ZFPM1: variants seen among roughly 807,000 people sequenced by gnomAD.
The protein encoded by ZFPM1 is zinc finger protein, FOG family member 1, also known as zinc finger protein ZFPM1.
Under a neutral mutation model 46.3 loss-of-function variants are expected in ZFPM1, and 28 were observed. The ratio of observed to expected loss-of-function variants is 0.60; its 90% CI spans 0.45 to 0.83. The LOEUF (loss-of-function observed/expected upper bound fraction) is 0.83, where lower values mean the gene tolerates loss of function less well. ZFPM1 is among the 40% of genes least tolerant of loss of function. ZFPM1 has a pLI of 0.00. For synonymous variants in ZFPM1, 957 were observed against 675.9 expected (o/e 1.42, Z -6.45); for missense variants, 1,878 against 1,432.4 (o/e 1.31, Z -5.02).
chr16:88,467,157 C>A (rs954454219), intron 1 of ZFPM1, among the ~76,000 whole-genome samples: 1 of 152,158 alleles, frequency 6.6e-6, no homozygotes, highest in South Asian at 2.1e-4. Flanking sequence ...CATCACACAG[C>A]GGCCAGAGTG....
Position 88,534,970 on chromosome 16 carries a change from C to A in ZFPM1, c.3012C>A (p.His1004Gln). Residue 1004 changes from histidine to glutamine, a missense_variant, in exon 10 of 10, where the codon CAC (histidine) becomes CAA (glutamine). Coordinates refer to ENST00000319555, the MANE Select transcript of ZFPM1 (RefSeq NM_153813.3). ...KYYCSSHAAE[H>Q]VK ...ACTGCTCCTCGCACGCCGCCGAGCA[C>A]GTGAAGTGAGCGCCCACACTACAGC... The A allele has an allele frequency of 1.4e-6, 2 of 1,449,780 alleles. No individual in the cohort carries two copies. Among genetic ancestry groups the A allele is most frequent in the South Asian group, 1.4e-5 (1 of 72,994 alleles). The allele number at this position is 1,449,780 out of a possible 1,614,324, so 89.8% of individuals were successfully genotyped here.
At chr16:88,510,880 A>T (rs1910919426) in intron 3 of ZFPM1, among the ~76,000 whole-genome samples, 1 of 152,206 alleles carries the variant, frequency 6.6e-6, no homozygotes, top group Non-Finnish European at 1.5e-5. Flanking sequence ...GCACAGCTGG[A>T]AAGAATCCTC....
rs927662506 is a variant in ZFPM1 at position 88,536,252 on chromosome 16, G to C, written c.*1273G>C. The C allele has an allele frequency of 6.6e-6, 1 of 152,180 alleles. No individual in the cohort carries two copies. The highest frequency in any genetic ancestry group is 1.5e-5 in the Non-Finnish European group (1 of 68,042). The allele number at this position is 152,180 out of a possible 1,614,324, so 9.4% of individuals were successfully genotyped here. A position where few individuals can be genotyped will look rare whatever the true frequency, so the allele number is the denominator to read the frequency against. On this transcript the variant is annotated 3_prime_UTR_variant, in exon 10 of 10. Coordinates refer to ENST00000319555, the MANE Select transcript of ZFPM1 (RefSeq NM_153813.3). ...AGTGGCACGATCATAAGTCACTGCA[G>C]CCTCAAACTCCTGAGCTGAAACCAT...
rs772863687 is a variant in ZFPM1, at chr16:88,533,408, C to T, written c.1450C>T (p.Gln484Ter). The change falls in exon 10 of 10, where the codon CAG (glutamine) becomes TAG (stop). Residue 484 changes from glutamine to a stop codon, truncating the protein, a stop_gained. Transcript: ENST00000319555. LOFTEE classifies it low-confidence loss of function (END_TRUNC). ...PILGPGEPGP[Q>*]APSRTPSPRS... ...CCTGGGCCCCGGAGAGCCTGGGCCC[C>T]AGGCCCCGTCGCGGACGCCGTCGCC... 1 of 1,499,834 alleles carries T rather than the reference C, an allele frequency of 6.7e-7. No individual in the cohort carries two copies. The allele number at this position is 1,499,834 out of a possible 1,614,324, so 92.9% of individuals were successfully genotyped here.
At chr16:88,494,722 G>A (rs1452106622) in intron 3 of ZFPM1, among the ~76,000 whole-genome samples, 2 of 152,108 alleles carry the variant, frequency 1.3e-5, no homozygotes, top group African/African-American at 4.8e-5. Flanking sequence ...GTGCGGCCCG[G>A]TCACTGGGCC....
chr16:88,525,554 C>G (rs1912247354), intron 4 of ZFPM1, among the ~76,000 whole-genome samples: 1 of 152,262 alleles, frequency 6.6e-6, no homozygotes, highest in African/African-American at 2.4e-5. Flanking sequence ...CGCGTGTATG[C>G]TGTGCCTCCA....
intron 3 of ZFPM1, among the ~76,000 whole-genome samples, chr16:88,494,560 G>C (rs1460494243): frequency 6.6e-6 from 1 of 152,196 alleles, no homozygotes; most frequent in Non-Finnish European, 1.5e-5. Context: ...AAACAGGGAG[G>C]GGGCTGATTC....
At chr16:88,504,423 C>G (rs12709091) in intron 3 of ZFPM1, among the ~76,000 whole-genome samples, 26,669 of 152,082 alleles carry the variant, frequency 0.18, 2,555 homozygotes, top group East Asian at 0.28. Flanking sequence ...CCTCTCCCCA[C>G]TTCCCAGGCG....
At chr16:88,533,055 GC>G in intron 9 of ZFPM1, 92 bp from the exon 10 acceptor site, 3 of 1,012,476 alleles carry the variant, frequency 3.0e-6, no homozygotes, top group Non-Finnish European at 2.6e-6. Flanking sequence ...AACCACTCCC[GC>G]CCACCCCTCC....
Position 88,468,184 on chromosome 16 carries a change from G to A in ZFPM1, c.40+14506G>A, listed in dbSNP as rs1474847864. On this transcript the variant is annotated intron_variant, in intron 1 of 9. Coordinates refer to ENST00000319555, the MANE Select transcript of ZFPM1 (RefSeq NM_153813.3). Reference sequence around the variant, plus strand: ...CGAGCCCACAGGCCCTGACGCACCCGCGAGCCCACCGCCCCTCAAGCACCC... The same window carrying A: ...CGAGCCCACAGGCCCTGACGCACCCACGAGCCCACCGCCCCTCAAGCACCC... 5.1e-5 allele frequency among the ~76,000 whole-genome samples: 6 copies of A among 117,724 alleles called. No homozygotes were observed. The South Asian group carries it at 9.5e-4, about 19-fold the overall frequency. The allele number at this position is 117,724 out of a possible 152,430, so 77.2% of individuals were successfully genotyped here.
chr16:88,518,442 GGATA>G (rs1911504765), intron 4 of ZFPM1, among the ~76,000 whole-genome samples: 1 of 151,426 alleles, frequency 6.6e-6, no homozygotes, highest in Admixed American at 6.6e-5. Context: ...GTGGATGCAT[GGATA>G]GATGGATGGT....
intron 1 of ZFPM1, among the ~76,000 whole-genome samples, chr16:88,460,937 GGTGATGAC>G: frequency 8.8e-6 from 1 of 113,290 alleles, no homozygotes; most frequent in Admixed American, 8.2e-5. Flanking sequence ...CGGGAGGCCT[GGTGATGAC>G]CGAGGGGCGG....
chr16:88,521,048 T>C (rs1034714723), intron 4 of ZFPM1, among the ~76,000 whole-genome samples: 3 of 68,354 alleles, frequency 4.4e-5, no homozygotes, highest in African/African-American at 1.9e-4. Flanking sequence ...GACAGGTGGA[T>C]GGATGGATGG....
chr16:88,533,591 A>G lies in ZFPM1; in HGVS notation c.1633A>G (p.Lys545Glu). The G allele has an allele frequency of 1.7e-5, 25 of 1,497,230 alleles. No homozygotes were observed. Among genetic ancestry groups the G allele is most frequent in the African/African-American group, 3.0e-5 (2 of 67,566 alleles). The allele number at this position is 1,497,230 out of a possible 1,614,324, so 92.7% of individuals were successfully genotyped here. Reference sequence around the variant, plus strand: ...GCCCCCCGCCTCGGAGATCCTGGCCAAGATGTCCGAGCTGGTGCACAGCCG... The same window carrying G: ...GCCCCCCGCCTCGGAGATCCTGGCCGAGATGTCCGAGCTGGTGCACAGCCG... ...AAPPASEILA[K>E]MSELVHSRLQ... is the part of the protein sequence containing the mutation. The change falls in exon 10 of 10, where the codon AAG becomes GAG. Residue 545 changes from lysine (K) to glutamate (E), a missense_variant. Coordinates refer to ENST00000319555, the MANE Select transcript of ZFPM1 (RefSeq NM_153813.3).
chr16:88,524,403 C>T (rs1912150602), intron 4 of ZFPM1, among the ~76,000 whole-genome samples: 1 of 152,186 alleles, frequency 6.6e-6, no homozygotes, highest in East Asian at 1.9e-4. Context: ...CCACAGCTGG[C>T]GTGCAGTTCC....
chr16:88,489,391 T>C, intron 3 of ZFPM1: 1 of 524,910 alleles, frequency 1.9e-6, no homozygotes, highest in East Asian at 3.5e-5. Flanking sequence ...GCTGGGGGGT[T>C]CCCTGGATCA....
chr16:88,534,820 C>A lies in ZFPM1; in HGVS notation c.2862C>A (p.Asp954Glu), dbSNP rs148439473. The A allele has an allele frequency of 2.6e-6, 4 of 1,529,934 alleles. No homozygotes were observed. The highest frequency in any genetic ancestry group is 1.9e-5 in the Admixed American group (1 of 51,836). The allele number at this position is 1,529,934 out of a possible 1,614,324, so 94.8% of individuals were successfully genotyped here. The change falls in exon 10 of 10, where the codon GAC becomes GAA. Residue 954 changes from aspartate (D) to glutamate (E), a missense_variant. Physicochemically the swap from Asp to Glu is conservative, Grantham distance 45. Transcript: ENST00000319555. ...PPPPAPPSYS[D>E]KGVQTPSKGT... ...CGCCGGCGCCCCCCTCCTACTCGGA[C>A]AAGGGCGTCCAGACTCCCAGCAAGG...
At chr16:88,456,817 G>C (rs1907581385) in intron 1 of ZFPM1, among the ~76,000 whole-genome samples, 7 of 152,186 alleles carry the variant, frequency 4.6e-5, no homozygotes, top group Non-Finnish European at 8.8e-5. Context: ...GGAGTCCCCA[G>C]GTCAGGCTGG....
intron 1 of ZFPM1, among the ~76,000 whole-genome samples, chr16:88,485,128 G>A (rs955675422): frequency 2.0e-5 from 3 of 152,216 alleles, no homozygotes; most frequent in South Asian, 2.1e-4. Flanking sequence ...GCCCCTGGGC[G>A]GGGCACTGGC....
Sources: gnomAD v4.1 joint callset for allele counts (sites outside exome capture counted in the v4.1 genomes callset) on GRCh38, gnomAD v4.1.1 for gene constraint, MANE v1.5 for transcripts, NCBI Gene and HGNC (gene_info 2026-07-23, HGNC 2026-07-21) for gene names.